HOMER2: variants seen among roughly 807,000 people sequenced by gnomAD.
The protein encoded by HOMER2 is homer protein homolog 2.
A neutral mutation model predicts 47.0 loss-of-function variants in HOMER2; 27 were observed. The observed-to-expected ratio is 0.57, with a 90% CI of 0.42 to 0.79. HOMER2 has a LOEUF of 0.79. Among genes scored for constraint, HOMER2 ranks in the 30% least tolerant of loss-of-function variants. The probability of loss-of-function intolerance (pLI) is 0.00; values close to 1 mark genes in which losing one functional copy is unlikely to be tolerated. For synonymous variants in HOMER2, 161 were observed against 163.8 expected (o/e 0.98, Z 0.13); for missense variants, 443 against 435.0 (o/e 1.02, Z -0.16).
At chr15:82,866,858 A>G (rs905923992) in intron 3 of HOMER2, among the ~76,000 whole-genome samples, 1 of 152,176 alleles carries the variant, frequency 6.6e-6, no homozygotes, top group African/African-American at 2.4e-5. Flanking sequence ...TTCTTTTGTA[A>G]ATTGCCCAGT....
At chr15:82,860,945 A>G (rs1157764791) in intron 4 of HOMER2, among the ~76,000 whole-genome samples, 2 of 25,106 alleles carry the variant, frequency 8.0e-5, no homozygotes, top group Non-Finnish European at 1.9e-4. Flanking sequence ...TCAAAGATAG[A>G]AGATAGAAGA....
In HOMER2 at chr15:82,860,370, T is replaced by TG. The variant is rs200657325; in HGVS notation, c.388-1236dup. Among the ~76,000 whole-genome samples the TG allele has an allele frequency of 6.7e-3, 1,012 of 151,192 alleles. 13 individuals carry two copies. Among genetic ancestry groups the TG allele is most frequent in the Admixed American group, 0.033 (494 of 15,194 alleles). On this transcript the variant is annotated intron_variant, in intron 4 of 8. Transcript: ENST00000450735. The stretch of plus-strand genomic sequence containing the variant: ...ATCTGGCATTTGCTTTAAAATATGG[T>TG]GGGGGGGAGCAAATGAGTAGGTGCA...
intron 5 of HOMER2, among the ~76,000 whole-genome samples, chr15:82,855,559 C>A (rs1164644713): frequency 6.6e-6 from 1 of 152,174 alleles, no homozygotes; most frequent in African/African-American, 2.4e-5. Context: ...AACAGCTTGG[C>A]TCCGGGGAAT....
chr15:82,865,771 G>A (rs2051945234), intron 3 of HOMER2, among the ~76,000 whole-genome samples: 2 of 152,242 alleles, frequency 1.3e-5, no homozygotes, highest in Non-Finnish European at 1.5e-5. Flanking sequence ...TTCAAAGGGT[G>A]CAAGCCCAAA....
intron 1 of HOMER2, among the ~76,000 whole-genome samples, chr15:82,972,085 G>A (rs1029313474): frequency 6.6e-6 from 1 of 152,096 alleles, no homozygotes; most frequent in African/African-American, 2.4e-5. Flanking sequence ...CATTGTAAGT[G>A]TACAATTCAT....
intron 1 of HOMER2, among the ~76,000 whole-genome samples, chr15:82,940,074 G>A (rs1038079909): frequency 6.6e-6 from 1 of 152,088 alleles, no homozygotes; most frequent in South Asian, 2.1e-4. Flanking sequence ...TCGTGGGGTC[G>A]GGGGAGTGGG....
chr15:82,876,232 C>A (rs1022937758), intron 2 of HOMER2, among the ~76,000 whole-genome samples: 3 of 152,200 alleles, frequency 2.0e-5, no homozygotes, highest in African/African-American at 7.2e-5. Context: ...CTGATGTCTG[C>A]AAGTTAGCCC....
At chr15:82,953,687 C>T (rs1283052199), upstream of HOMER2, among the ~76,000 whole-genome samples, 1 of 152,128 alleles carries the variant, frequency 6.6e-6, no homozygotes. Flanking sequence ...TCCTGGCTAA[C>T]ACGGTGAAAC....
rs553652393 is a variant in HOMER2, at chr15:82,836,950, TAA to T, written c.*10322_*10323del. ...ACAAATCACCACAAAAGTAGCTGCT[TAA>T]AAGACAAATTTCTTATCTTACAGTT... On this transcript the variant is annotated 3_prime_UTR_variant, in exon 2 of 2. Transcript: ENST00000558090. 2.6e-5 allele frequency: 4 copies of T among 152,414 alleles called. No homozygotes were observed. The South Asian group carries it at 8.3e-4, about 32-fold the overall frequency. The allele number at this position is 152,414 out of a possible 1,614,324, so 9.4% of individuals were successfully genotyped here. A position where few individuals can be genotyped will look rare whatever the true frequency, so the allele number is the denominator to read the frequency against.
downstream of HOMER2, chr15:82,845,362 T>C (rs912903798): frequency 5.4e-5 from 8 of 149,360 alleles, no homozygotes; most frequent in Non-Finnish European, 8.9e-5. Context: ...TAAAGCCAAC[T>C]AGAAAACCCA....
At chr15:82,945,111 C>G (rs1165049228) in intron 1 of HOMER2, among the ~76,000 whole-genome samples, 1 of 151,890 alleles carries the variant, frequency 6.6e-6, no homozygotes, top group African/African-American at 2.4e-5. Flanking sequence ...ATGACACAGG[C>G]ACTGCAAATT....
chr15:82,905,414 CTAAGAAT>C (rs1199833378), intron 1 of HOMER2, among the ~76,000 whole-genome samples: 1 of 151,810 alleles, frequency 6.6e-6, no homozygotes, highest in Non-Finnish European at 1.5e-5. Context: ...GAAGCAATGA[CTAAGAAT>C]TTCCCCCAAA....
chr15:82,835,160 T>A (rs993864746), downstream of HOMER2: 1 of 151,578 alleles, frequency 6.6e-6, no homozygotes, highest in African/African-American at 2.4e-5. Context: ...AGAGTCTTGC[T>A]CTGTCAACCA....
upstream of HOMER2, among the ~76,000 whole-genome samples, chr15:82,952,885 G>T (rs980311734): frequency 2.6e-4 from 40 of 151,850 alleles, no homozygotes; most frequent in African/African-American, 9.7e-4. Flanking sequence ...GCGCAGCCGC[G>T]CAGTCGCCGC....
chr15:82,898,360 G>A (rs1267765646), intron 1 of HOMER2: 1 of 151,932 alleles, frequency 6.6e-6, no homozygotes, highest in Non-Finnish European at 1.5e-5. Context: ...GGGAAAAGCT[G>A]AAGAGAGTGT....
At position 82,982,536 on chromosome 15, in the gene HOMER2, A is replaced by ATG. The variant is rs1567082030; in HGVS notation, n.82+3250_82+3251insCA. Reference sequence around the variant, plus strand: ...ACAAATTTACAGGAAAGAAAATACCAGTTGAGTATCCCTACTATGAAAATC... The same window carrying ATG: ...ACAAATTTACAGGAAAGAAAATACCATGGTTGAGTATCCCTACTATGAAAATC... On this transcript the variant is annotated intron_variant and non_coding_transcript_variant, in intron 1 of 1. Coordinates refer to the HOMER2 transcript ENST00000500334. Among the ~76,000 whole-genome samples, 174 of 152,004 alleles carry ATG rather than the reference A, an allele frequency of 1.1e-3. 1 individual carries two copies. The highest frequency in any genetic ancestry group is 4.0e-3 in the African/African-American group (166 of 41,460).
chr15:82,850,984 G>A (rs2051372895), intron 8 of HOMER2, among the ~76,000 whole-genome samples, 167 bp downstream of exon 8: 1 of 152,234 alleles, frequency 6.6e-6, no homozygotes, highest in Admixed American at 6.5e-5. Context: ...CGGGGGCAGG[G>A]GTGGATGCGG....
intron 1 of HOMER2, among the ~76,000 whole-genome samples, chr15:82,903,542 G>A (rs1000971668): frequency 6.6e-6 from 1 of 151,982 alleles, no homozygotes; most frequent in Non-Finnish European, 1.5e-5. Flanking sequence ...GCTTGAACTC[G>A]GGAGACAGAG....
At chr15:82,912,319 T>C (rs906530606) in intron 1 of HOMER2, among the ~76,000 whole-genome samples, 17 of 152,240 alleles carry the variant, frequency 1.1e-4, no homozygotes, top group African/African-American at 3.9e-4. Flanking sequence ...AGGCATTTCA[T>C]ATAAATTGAA....
Sources: allele counts gnomAD v4.1 joint callset (sites outside exome capture counted in the v4.1 genomes callset), GRCh38; gene constraint gnomAD v4.1.1; transcripts MANE v1.5; gene names NCBI Gene and HGNC (gene_info 2026-07-23, HGNC 2026-07-21).